The following OR2T11 variants were observed in gnomAD, a reference collection of about 807,000 sequenced individuals.
The protein encoded by OR2T11 is olfactory receptor 2T11.
In OR2T11, 14 loss-of-function variants were observed where a neutral mutation model predicts 13.5. The observed-to-expected ratio is 1.04, with a 90% CI of 0.69 to 1.62. The LOEUF is 1.62. Among genes scored for constraint, OR2T11 ranks in the 40% most tolerant of loss-of-function variants. The pLI is 0.00. For missense variants in OR2T11, 410 were observed against 389.7 expected (o/e 1.05, Z -0.44); for synonymous variants, 163 against 154.6 (o/e 1.05, Z -0.40).
chr1:248,628,414 C>G lies in OR2T11; in HGVS notation c.-144-1142G>C, dbSNP rs1182857446. 2.9e-5 allele frequency among the ~76,000 whole-genome samples: 4 copies of G among 139,890 alleles called. 1 individual carries two copies. The East Asian group carries it at 8.2e-4, about 29-fold the overall frequency. The allele number at this position is 139,890 out of a possible 152,430, so 91.8% of individuals were successfully genotyped here. On this transcript the variant is annotated intron_variant, in intron 1 of 1. Coordinates refer to ENST00000641193, the MANE Select transcript of OR2T11 (RefSeq NM_001001964.2). ...ATGAAAGTCCGATCAACGGGGGAGC[C>G]CGGATGCTGCAGGGTTTCCCCCCAT... is the stretch of plus-strand genomic sequence containing the variant.
chr1:248,624,663 T>C lies in OR2T11; in HGVS notation c.*1515A>G, dbSNP rs1660489556. The C allele has an allele frequency of 6.9e-6, 1 of 144,382 alleles. No individual in the cohort carries two copies. The highest frequency in any genetic ancestry group is 6.8e-5 in the Admixed American group (1 of 14,790). 8.9% of individuals were successfully genotyped at this position (144,382 alleles called of 1,614,324 possible). On this transcript the variant is annotated 3_prime_UTR_variant, in exon 2 of 2. Coordinates refer to ENST00000641193, the MANE Select transcript of OR2T11 (RefSeq NM_001001964.2). ...CTCTTCGTACTCTGATTATTAAATGTATGCTTTATGTTCAGAACTCTAATC... is the reference window on the plus strand; with the variant it reads ...CTCTTCGTACTCTGATTATTAAATGCATGCTTTATGTTCAGAACTCTAATC...
At chr1:248,632,938 ACAT>A (rs1660633245) in intron 1 of OR2T11, among the ~76,000 whole-genome samples, 1 of 28,046 alleles carries the variant, frequency 3.6e-5, no homozygotes, top group East Asian at 8.3e-4. Context: ...TTGAACTTCT[ACAT>A]GAGAGCTGGG....
chr1:248,628,574 C>T lies in OR2T11; in HGVS notation c.-144-1302G>A, dbSNP rs111805676. 3.8e-3 allele frequency among the ~76,000 whole-genome samples: 539 copies of T among 140,948 alleles called. 101 individuals carry two copies. The highest frequency in any genetic ancestry group is 0.015 in the African/African-American group (520 of 35,476). 92.5% of individuals were successfully genotyped at this position (140,948 alleles called of 152,430 possible). A position where few individuals can be genotyped will look rare whatever the true frequency, so the allele number is the denominator to read the frequency against. On this transcript the variant is annotated intron_variant, in intron 1 of 1. Transcript: ENST00000641193. ...GTGCAAGTTCATAATGTTCTTAACA[C>T]CAAAAAAAAGGGTTCACTGTACATC...
intron 1 of OR2T11, among the ~76,000 whole-genome samples, chr1:248,630,713 CTG>C (rs1458395580): frequency 4.2e-5 from 6 of 144,020 alleles, no homozygotes; most frequent in Admixed American, 4.1e-4. Context: ...TTGAACGACA[CTG>C]TAATAGACTT....
chr1:248,629,989 A>G (rs1660581627), intron 1 of OR2T11, among the ~76,000 whole-genome samples: 1 of 124,170 alleles, frequency 8.1e-6, no homozygotes, highest in African/African-American at 3.2e-5. Context: ...AGTAAGCTTC[A>G]TGTGAATAAG....
At chr1:248,632,352 T>A (rs1269049830) in intron 1 of OR2T11, among the ~76,000 whole-genome samples, 1 of 139,838 alleles carries the variant, frequency 7.2e-6, no homozygotes. Flanking sequence ...GGACAGATTT[T>A]TTTAAAAGAT....
rs67397024 is a variant in OR2T11, at chr1:248,633,977, TAAG to T, written c.-145+1058_-145+1060del. Among the ~76,000 whole-genome samples the T allele has an allele frequency of 1.7e-4, 15 of 90,818 alleles. 3 individuals are homozygous for T. The highest frequency in any genetic ancestry group is 9.1e-4 in the South Asian group (2 of 2,206). The allele number at this position is 90,818 out of a possible 152,430, so 59.6% of individuals were successfully genotyped here. A position where few individuals can be genotyped will look rare whatever the true frequency, so the allele number is the denominator to read the frequency against. On this transcript the variant is annotated intron_variant, in intron 1 of 1. Transcript: ENST00000641193. ...CTTATCAGTGAAGCTGGAAATAATT[TAAG>T]TAGTTTTTTGGTGTTTTTTTTTTTG...
At chr1:248,629,046 AAGG>A (rs1157195747) in intron 1 of OR2T11, among the ~76,000 whole-genome samples, 1 of 143,836 alleles carries the variant, frequency 7.0e-6, no homozygotes, top group Non-Finnish European at 1.5e-5. Context: ...AACCCACACT[AAGG>A]AGAAGAGAGC....
chr1:248,633,184 A>AT (rs1660635829), intron 1 of OR2T11, among the ~76,000 whole-genome samples: 1 of 120,236 alleles, frequency 8.3e-6, no homozygotes, highest in South Asian at 2.8e-4. Flanking sequence ...AGTGGAAGTA[A>AT]CCTAAGCGTC....
rs1371462200 is a variant in OR2T11 at position 248,624,349 on chromosome 1, TCC to T, written c.*1827_*1828del. The T allele has an allele frequency of 7.0e-6, 1 of 142,728 alleles. No homozygotes were observed. Among genetic ancestry groups the T allele is most frequent in the African/African-American group, 2.8e-5 (1 of 36,162 alleles). 8.8% of individuals were successfully genotyped at this position (142,728 alleles called of 1,614,324 possible). On this transcript the variant is annotated 3_prime_UTR_variant, in exon 2 of 2. Transcript: ENST00000641193. ...TACTCAACTTACCTTATCCACTTCC[TCC>T]CCCTTGATTTTACCCTGAATCATCT...
In OR2T11 at chr1:248,626,188, CTTG is replaced by C. The variant is rs1558171708; in HGVS notation, c.938_940del (p.Thr313del). On this transcript the variant is annotated inframe_deletion, in exon 2 of 2. Coordinates refer to ENST00000641193, the MANE Select transcript of OR2T11 (RefSeq NM_001001964.2). ...CTGGGCAGTGACTCTCTAAGCATCA[CTTG>C]TTGCTACTTTCTGAGCAGATGAGCA... 6.7e-7 allele frequency: 1 copy of C among 1,496,340 alleles called. No individual in the cohort carries two copies. Among genetic ancestry groups the C allele is most frequent in the South Asian group, 1.2e-5 (1 of 86,746 alleles). 92.7% of individuals were successfully genotyped at this position (1,496,340 alleles called of 1,614,324 possible).
intron 1 of OR2T11, among the ~76,000 whole-genome samples, chr1:248,627,751 A>G (rs1660545581): frequency 7.0e-6 from 1 of 142,800 alleles, no homozygotes; most frequent in Non-Finnish European, 1.5e-5. Flanking sequence ...CCGTAAGTCA[A>G]ATAGCGTAGG....
At chr1:248,631,472 G>A (rs28472356) in intron 1 of OR2T11, among the ~76,000 whole-genome samples, 6,864 of 142,304 alleles carry the variant, frequency 0.048, 1,188 homozygotes, top group East Asian at 0.3. Context: ...TGTTTTTCAT[G>A]CTCTCTGCCA....
At chr1:248,632,140 C>A (rs1660623530) in intron 1 of OR2T11, among the ~76,000 whole-genome samples, 2 of 143,694 alleles carry the variant, frequency 1.4e-5, no homozygotes, top group Non-Finnish European at 3.0e-5. Context: ...CTTGAAGAAT[C>A]TTAAAATTAC....
At chr1:248,634,540 G>A (rs1276874280) in intron 1 of OR2T11, among the ~76,000 whole-genome samples, 2 of 142,152 alleles carry the variant, frequency 1.4e-5, no homozygotes, top group Admixed American at 6.9e-5. Flanking sequence ...AGCTGAAAAA[G>A]AAGCTTAAAA....
At chr1:248,630,653 T>C (rs1660595665) in intron 1 of OR2T11, among the ~76,000 whole-genome samples, 1 of 144,122 alleles carries the variant, frequency 6.9e-6, no homozygotes, top group Admixed American at 6.8e-5. Context: ...CCTTCTATGA[T>C]CAGAATTGTC....
At chr1:248,629,652 A>G (rs1366649736) in intron 1 of OR2T11, among the ~76,000 whole-genome samples, 2 of 138,506 alleles carry the variant, frequency 1.4e-5, no homozygotes, top group Non-Finnish European at 1.5e-5. Context: ...TGTGCTTTAC[A>G]TCATACATTA....
In OR2T11 at chr1:248,626,445, A is replaced by G. The variant is rs151333591; in HGVS notation, c.684T>C (p.Ala228=). The stretch of plus-strand genomic sequence containing the variant: ...TGGTGAAGGCCTTTTTGCGACCTTC[A>G]GCAGAGGGCATGCGGTGGATGGTTA... ...ILLTIHRMPS[A]EGRKKAFTTC... is the part of the protein sequence containing the mutation. The change falls in exon 2 of 2, where the codon GCT becomes GCC. Residue 228 remains alanine, a synonymous_variant. Transcript: ENST00000641193. 9.0e-5 allele frequency: 141 copies of G among 1,572,736 alleles called. 15 individuals are homozygous for G. In the Middle Eastern group the frequency reaches 1.5e-3, roughly 17 times the overall value.
intron 1 of OR2T11, among the ~76,000 whole-genome samples, chr1:248,628,567 C>T (rs2103102146): frequency 7.1e-6 from 1 of 141,362 alleles, no homozygotes; most frequent in South Asian, 2.2e-4. Flanking sequence ...TCATAATGTT[C>T]TTAACACCAA....
Sources: gnomAD v4.1 joint callset for allele counts (sites outside exome capture counted in the v4.1 genomes callset) on GRCh38, gnomAD v4.1.1 for gene constraint, MANE v1.5 for transcripts, NCBI Gene and HGNC (gene_info 2026-07-23, HGNC 2026-07-21) for gene names.